The following ZNF491 variants were observed in gnomAD, a reference collection of about 807,000 sequenced individuals.
ZNF491 encodes the protein zinc finger protein 491.
Under a neutral mutation model 34.7 loss-of-function variants are expected in ZNF491, and 22 were observed. The ratio of observed to expected loss-of-function variants is 0.63; its 90% CI spans 0.45 to 0.90. ZNF491 has a LOEUF of 0.90. ZNF491 is among the 40% of genes least tolerant of loss of function. The pLI, the probability that ZNF491 is intolerant of heterozygous loss-of-function variation, is 0.00. For missense variants in ZNF491, 559 were observed against 531.7 expected, an observed-to-expected ratio of 1.05 and a Z score of -0.51; for synonymous variants, 148 against 174.3, an observed-to-expected ratio of 0.85 and a Z score of 1.19.
At chr19:11,804,711 A>C in intron 2 of ZNF491, 44 bp downstream of exon 2, 1 of 1,046,172 alleles carries the variant, frequency 9.6e-7, no homozygotes. Flanking sequence ...TGTAGAACAT[A>C]TGTTTCTAGT....
rs1975606515 is a variant in ZNF491 at position 11,806,053 on chromosome 19, G to A, written c.100G>A (p.Val34Ile). The A allele has an allele frequency of 1.2e-6, 2 of 1,613,956 alleles. No individual in the cohort carries two copies. Among genetic ancestry groups the A allele is most frequent in the Non-Finnish European group, 1.7e-6 (2 of 1,180,026 alleles). Residue 34 changes from valine (V) to isoleucine (I), a missense_variant, in exon 3 of 3, where the codon GTA becomes ATA. Physicochemically the swap from Val to Ile is conservative, Grantham distance 29. Transcript: ENST00000323169. ...DMLNKKTLPGVKSCESGTCGE... is the reference protein window; with the variant it reads ...DMLNKKTLPGIKSCESGTCGE... ...GCTGAACAAGAAAACTCTTCCTGGA[G>A]TAAAATCATGTGAAAGTGGTACATG... is the stretch of plus-strand genomic sequence containing the variant.
intron 1 of ZNF491, among the ~76,000 whole-genome samples, chr19:11,800,298 C>G (rs534633793): frequency 6.6e-6 from 1 of 152,202 alleles, no homozygotes; most frequent in African/African-American, 2.4e-5. Flanking sequence ...GACCCCTCTC[C>G]CAGCCTAGTT....
Position 11,806,542 on chromosome 19 carries a change from A to G in ZNF491, c.589A>G (p.Asn197Asp). The G allele has an allele frequency of 6.2e-7, 1 of 1,614,110 alleles. No homozygotes were observed. Among genetic ancestry groups the G allele is most frequent in the Non-Finnish European group, 8.5e-7 (1 of 1,180,022 alleles). ...ATGTAAGGAGTGTGGGAAATCATTC[A>G]ATTTTTCCAGTTCCTTTCGCAGACA... ...YECKECGKSFNFSSSFRRHER... is the reference protein window; with the variant it reads ...YECKECGKSFDFSSSFRRHER... The change falls in exon 3 of 3, where the codon AAT (asparagine) becomes GAT (aspartate). Residue 197 changes from asparagine to aspartate, a missense_variant. By Grantham distance (23) the Asn-to-Asp change is conservative. Transcript: ENST00000323169.
chr19:11,802,141 C>A (rs1306068081), intron 1 of ZNF491, among the ~76,000 whole-genome samples: 1 of 152,158 alleles, frequency 6.6e-6, no homozygotes, highest in Non-Finnish European at 1.5e-5. Context: ...TCAAATATTT[C>A]TTTGAGATCC....
chr19:11,805,584 A>G (rs1293936889), intron 2 of ZNF491, among the ~76,000 whole-genome samples: 1 of 152,212 alleles, frequency 6.6e-6, no homozygotes, highest in Non-Finnish European at 1.5e-5. Flanking sequence ...ATGGTGGCTC[A>G]TGCCTGTAAT....
intron 1 of ZNF491, among the ~76,000 whole-genome samples, chr19:11,802,840 T>C (rs1421961661): frequency 6.6e-6 from 1 of 152,192 alleles, no homozygotes. Context: ...AGGACTGCTG[T>C]TGTGAGCTTT....
At chr19:11,805,862 T>C (rs1176865818) in intron 2 of ZNF491, 85 bp from the exon 3 acceptor site, 2 of 1,188,468 alleles carry the variant, frequency 1.7e-6, no homozygotes, top group Non-Finnish European at 2.3e-6. Flanking sequence ...AACAAAAACA[T>C]TAAAAATGCA....
intron 1 of ZNF491, among the ~76,000 whole-genome samples, chr19:11,800,132 G>A (rs1366297182): frequency 1.3e-5 from 2 of 152,102 alleles, no homozygotes; most frequent in Non-Finnish European, 2.9e-5. Flanking sequence ...TAGGGAAAAG[G>A]GACTTGATTG....
chr19:11,800,827 A>G (rs1292793907), intron 1 of ZNF491, among the ~76,000 whole-genome samples: 1 of 152,134 alleles, frequency 6.6e-6, no homozygotes, highest in African/African-American at 2.4e-5. Context: ...GTTCAAGACC[A>G]GAGTGGGCAG....
chr19:11,800,255 C>T (rs901968114), intron 1 of ZNF491, among the ~76,000 whole-genome samples: 18 of 152,114 alleles, frequency 1.2e-4, no homozygotes, highest in African/African-American at 4.3e-4. Flanking sequence ...CTCTGAGGAG[C>T]CTGACTAGTT....
chr19:11,806,614 G>T lies in ZNF491; in HGVS notation c.661G>T (p.Gly221Trp). 1 of 1,614,006 alleles carries T rather than the reference G, an allele frequency of 6.2e-7. No homozygotes were observed. The highest frequency in any genetic ancestry group is 8.5e-7 in the Non-Finnish European group (1 of 1,179,980). The change falls in exon 3 of 3, where the codon GGG becomes TGG. Residue 221 changes from glycine to tryptophan, a missense_variant. Gly to Trp is a radical substitution (Grantham distance 184, BLOSUM62 -2). Transcript: ENST00000323169. ...GAAGCCGTACAAATGTAAGGAATGT[G>T]GGAAAGCCTTCAATTGTCCCAGTTC... Reference protein sequence around the residue: ...GEKPYKCKECGKAFNCPSSFH... With the variant: ...GEKPYKCKECWKAFNCPSSFH...
At chr19:11,805,625 A>G (rs1379675007) in intron 2 of ZNF491, among the ~76,000 whole-genome samples, 2 of 152,164 alleles carry the variant, frequency 1.3e-5, no homozygotes, top group Non-Finnish European at 2.9e-5. Context: ...AGGCAAGAGG[A>G]CCACTTGAGG....
Position 11,807,974 on chromosome 19 carries a change from T to A in ZNF491, c.*707T>A, listed in dbSNP as rs577776263. ...CTCTGGTCAGGAAATGTCCAGTGTTTCCTGTTATCCACAGGAGAATGTAAT... is the reference window on the plus strand; with the variant it reads ...CTCTGGTCAGGAAATGTCCAGTGTTACCTGTTATCCACAGGAGAATGTAAT... On this transcript the variant is annotated 3_prime_UTR_variant, in exon 3 of 3. Coordinates refer to ENST00000323169, the MANE Select transcript of ZNF491 (RefSeq NM_152356.4). The A allele has an allele frequency of 6.0e-6, 1 of 167,262 alleles. No individual in the cohort carries two copies. The highest frequency in any genetic ancestry group is 2.4e-5 in the African/African-American group (1 of 41,590). The allele number at this position is 167,262 out of a possible 1,614,324, so 10.4% of individuals were successfully genotyped here.
chr19:11,806,256 AC>A lies in ZNF491; in HGVS notation c.305del (p.Pro102LeufsTer22). 1 of 1,607,484 alleles carries A rather than the reference AC, an allele frequency of 6.2e-7. No individual in the cohort carries two copies. The highest frequency in any genetic ancestry group is 2.2e-5 in the East Asian group (1 of 44,872). On this transcript the variant is annotated frameshift_variant, in exon 3 of 3. Coordinates refer to ENST00000323169, the MANE Select transcript of ZNF491 (RefSeq NM_152356.4). LOFTEE classifies it high-confidence loss of function. ...ATGAAAGGCCTCACACTAGAGAGAA[AC>A]CTTTTGATTGTAAGGAATGTGAAAA... ...THERPHTREK[P>X]FDCKECEKSF...
intron 1 of ZNF491, among the ~76,000 whole-genome samples, chr19:11,803,664 G>T (rs1975578483): frequency 6.6e-6 from 1 of 152,182 alleles, no homozygotes; most frequent in South Asian, 2.1e-4. Flanking sequence ...CTCATGATTA[G>T]ACTGGAGTTA....
intron 2 of ZNF491, among the ~76,000 whole-genome samples, chr19:11,805,454 T>C (rs1004377725): frequency 9.9e-5 from 15 of 152,048 alleles, no homozygotes; most frequent in Non-Finnish European, 2.2e-4. Flanking sequence ...AAATATTCTT[T>C]TTTTGATGAT....
intron 1 of ZNF491, among the ~76,000 whole-genome samples, chr19:11,799,798 G>A (rs761357360): frequency 6.6e-6 from 1 of 152,132 alleles, no homozygotes; most frequent in Non-Finnish European, 1.5e-5. Context: ...GCTGGGCGTG[G>A]TGGCACGTGC....
rs1975637880 is a variant in ZNF491 at position 11,808,069 on chromosome 19, T to C, written c.*802T>C. The stretch of plus-strand genomic sequence containing the variant: ...ATGTGTATTTTTGAGGGAGCAAAGA[T>C]TTCTGTACATATTTCTTAAAAATAG... On this transcript the variant is annotated 3_prime_UTR_variant, in exon 3 of 3. Transcript: ENST00000323169. 1 of 167,074 alleles carries C rather than the reference T, an allele frequency of 6.0e-6. No homozygotes were observed. Among genetic ancestry groups the C allele is most frequent in the Non-Finnish European group, 1.5e-5 (1 of 68,118 alleles). The allele number at this position is 167,074 out of a possible 1,614,324, so 10.3% of individuals were successfully genotyped here.
Position 11,807,536 on chromosome 19 carries a change from T to TTCTA in ZNF491, c.*270_*273dup. 2.9e-6 allele frequency: 1 copy of TTCTA among 348,774 alleles called. No homozygotes were observed. The highest frequency in any genetic ancestry group is 5.4e-6 in the Non-Finnish European group (1 of 185,384). The allele number at this position is 348,774 out of a possible 1,614,324, so 21.6% of individuals were successfully genotyped here. The stretch of plus-strand genomic sequence containing the variant: ...TCACATGGGCTGTGTGGCCCCCTGA[T>TTCTA]TCTAGCCCATTTTCCTGATTCTCTG... On this transcript the variant is annotated 3_prime_UTR_variant, in exon 3 of 3. Coordinates refer to ENST00000323169, the MANE Select transcript of ZNF491 (RefSeq NM_152356.4).
Sources: allele counts gnomAD v4.1 joint callset (sites outside exome capture counted in the v4.1 genomes callset), GRCh38; gene constraint gnomAD v4.1.1; transcripts MANE v1.5; gene names NCBI Gene and HGNC (gene_info 2026-07-23, HGNC 2026-07-21).